DLG2: variants seen among roughly 807,000 people sequenced by gnomAD.
DLG2 encodes discs large MAGUK scaffold protein 2.
DLG2 carries 45 observed loss-of-function variants against 132.5 expected under a neutral mutation model. The ratio of observed to expected loss-of-function variants is 0.34; its 90% confidence interval spans 0.27 to 0.44. DLG2 has a LOEUF of 0.44. DLG2 is among the 20% of genes least tolerant of loss of function. DLG2 has a pLI of 1.00. For missense variants in DLG2, 1,045 were observed against 1,196.9 expected, an observed-to-expected ratio of 0.87 and a Z score of 1.87; for synonymous variants, 424 against 419.6, an observed-to-expected ratio of 1.01 and a Z score of -0.13.
At chr11:84,736,986 T>C (rs1297220876) in intron 6 of DLG2, among the ~76,000 whole-genome samples, 1 of 152,010 alleles carries the variant, frequency 6.6e-6, no homozygotes, top group African/African-American at 2.4e-5. Context: ...AAATATGATG[T>C]TAGCTATAGG....
intron 6 of DLG2, among the ~76,000 whole-genome samples, chr11:84,583,865 TTA>T (rs1339077961): frequency 3.3e-5 from 5 of 152,312 alleles, no homozygotes; most frequent in South Asian, 4.1e-4. Context: ...CCATTTGATT[TTA>T]TGTTTCAAAG....
intron 3 of DLG2, among the ~76,000 whole-genome samples, chr11:85,457,184 C>CTTTTTTTTT (rs35970313): frequency 7.5e-6 from 1 of 132,576 alleles, no homozygotes; most frequent in Admixed American, 7.4e-5. Context: ...CCTTCTTTGT[C>CTTTTTTTTT]TTTTTTTTTT....
intron 8 of DLG2, among the ~76,000 whole-genome samples, chr11:84,231,604 G>C (rs1173183998): frequency 6.6e-6 from 1 of 152,148 alleles, no homozygotes. Flanking sequence ...ACTGTGTAGT[G>C]GAATCATAGG....
chr11:83,680,923 G>A (rs2078676848), intron 18 of DLG2, among the ~76,000 whole-genome samples: 1 of 152,028 alleles, frequency 6.6e-6, no homozygotes, highest in South Asian at 2.1e-4. Flanking sequence ...GCTAAAATGA[G>A]TTGCTTTCTT....
chr11:84,975,516 C>T (rs866246599), intron 6 of DLG2, among the ~76,000 whole-genome samples: 4 of 152,294 alleles, frequency 2.6e-5, no homozygotes, highest in African/African-American at 9.6e-5. Flanking sequence ...AAGTGATAAG[C>T]TTAGCAGAAT....
chr11:84,836,297 G>A (rs935261799), intron 6 of DLG2, among the ~76,000 whole-genome samples: 1 of 151,742 alleles, frequency 6.6e-6, no homozygotes, highest in African/African-American at 2.4e-5. Flanking sequence ...GAAGGAATTG[G>A]TGGCGCAGGA....
intron 7 of DLG2, among the ~76,000 whole-genome samples, chr11:84,492,464 C>A (rs558980704): frequency 2.2e-4 from 33 of 152,258 alleles, no homozygotes; most frequent in African/African-American, 5.8e-4. Context: ...CAATTAAGGA[C>A]TGAGGCTTTG....
At position 83,715,861 on chromosome 11, in the gene DLG2, A is replaced by T. The variant is rs527256738; in HGVS notation, c.1825+70829T>A. Among the ~76,000 whole-genome samples the T allele has an allele frequency of 3.3e-5, 5 of 152,150 alleles. No individual in the cohort carries two copies. The South Asian group carries it at 6.2e-4, about 19-fold the overall frequency. On this transcript the variant is annotated intron_variant, in intron 18 of 27. Coordinates refer to ENST00000376104, the MANE Select transcript of DLG2 (RefSeq NM_001142699.3). The stretch of plus-strand genomic sequence containing the variant: ...TTCTCCTTTCCACTCTTCAGGGTTG[A>T]CTTCTCAATGTTTCACACCTCAGCT...
At chr11:84,175,420 A>T (rs1008843214) in intron 8 of DLG2, among the ~76,000 whole-genome samples, 2 of 152,164 alleles carry the variant, frequency 1.3e-5, no homozygotes, top group African/African-American at 4.8e-5. Flanking sequence ...CTTATGCTAA[A>T]GGCTTTTTAT....
At position 83,620,869 on chromosome 11, in the gene DLG2, C is replaced by CAAAAAA. The variant is rs56868518; in HGVS notation, c.1940+12336_1940+12341dup. Among the ~76,000 whole-genome samples the CAAAAAA allele has an allele frequency of 9.1e-3, 523 of 57,190 alleles. 72 individuals carry two copies. The highest frequency in any genetic ancestry group is 0.049 in the African/African-American group (499 of 10,092). The allele number at this position is 57,190 out of a possible 152,430, so 37.5% of individuals were successfully genotyped here. ...TGGGCGACAGAGCGAGACTCCGTCT[C>CAAAAAA]AAAAAAAAAAAAAAAAAAAAAAAAA... On this transcript the variant is annotated intron_variant, in intron 19 of 27. Coordinates refer to ENST00000376104, the MANE Select transcript of DLG2 (RefSeq NM_001142699.3).
At chr11:84,436,258 A>G (rs2099000505) in intron 7 of DLG2, among the ~76,000 whole-genome samples, 1 of 152,196 alleles carries the variant, frequency 6.6e-6, no homozygotes, top group Admixed American at 6.5e-5. Flanking sequence ...ACATTATAAG[A>G]GGCTCTAAAG....
intron 15 of DLG2, among the ~76,000 whole-genome samples, chr11:83,925,353 C>A (rs186152759): frequency 1.3e-5 from 2 of 152,120 alleles, no homozygotes; most frequent in Admixed American, 1.3e-4. Context: ...CTGAGTGCTG[C>A]CTGATTCATG....
chr11:84,543,941 T>C (rs558870259), intron 6 of DLG2, among the ~76,000 whole-genome samples: 53 of 152,224 alleles, frequency 3.5e-4, no homozygotes, highest in Non-Finnish European at 1.0e-4. Context: ...GAGCTTTGTG[T>C]GCTTCCAAGC....
Position 84,368,562 on chromosome 11 carries a change from T to A in DLG2, c.520-117271A>T, listed in dbSNP as rs535778854. On this transcript the variant is annotated intron_variant, in intron 7 of 27. Transcript: ENST00000376104. ...CAATTATAAAGGAAGATCACGTATT[T>A]GGTGTTAACATGTGGTCTAAGTTAG... Among the ~76,000 whole-genome samples the A allele has an allele frequency of 4.0e-4, 61 of 152,286 alleles. 2 individuals are homozygous for A. In the South Asian group the frequency reaches 0.012, roughly 29 times the overall value.
intron 3 of DLG2, among the ~76,000 whole-genome samples, chr11:85,424,706 G>A (rs1016781916): frequency 3.9e-5 from 6 of 152,122 alleles, no homozygotes; most frequent in African/African-American, 1.2e-4. Flanking sequence ...CCCAAAGTTG[G>A]TGAGGTAAGA....
intron 16 of DLG2, among the ~76,000 whole-genome samples, chr11:83,837,149 C>G (rs2056403741): frequency 6.6e-6 from 1 of 152,140 alleles, no homozygotes; most frequent in African/African-American, 2.4e-5. Context: ...GGTTTTCCAA[C>G]TAGTACTGAT....
intron 3 of DLG2, among the ~76,000 whole-genome samples, chr11:85,388,027 G>T (rs866320347): frequency 1.3e-5 from 2 of 152,184 alleles, no homozygotes; most frequent in Admixed American, 6.5e-5. Context: ...TTTCTTAGCT[G>T]GGAGGCTTGT....
At chr11:84,549,599 C>T (rs181086711) in intron 6 of DLG2, among the ~76,000 whole-genome samples, 3 of 152,162 alleles carry the variant, frequency 2.0e-5, no homozygotes, top group Non-Finnish European at 2.9e-5. Flanking sequence ...TATGAAGGCT[C>T]TCTGAAACTC....
At chr11:85,006,676 C>T (rs2058690601) in intron 6 of DLG2, among the ~76,000 whole-genome samples, 1 of 151,958 alleles carries the variant, frequency 6.6e-6, no homozygotes, top group Non-Finnish European at 1.5e-5. Context: ...TCAAAAAAAA[C>T]AGTTCCTGGC....
Sources: allele counts gnomAD v4.1 joint callset (sites outside exome capture counted in the v4.1 genomes callset), GRCh38; gene constraint gnomAD v4.1.1; transcripts MANE v1.5; gene names NCBI Gene and HGNC (gene_info 2026-07-23, HGNC 2026-07-21).